CDH13: variants seen among roughly 807,000 people sequenced by gnomAD.
CDH13 encodes cadherin 13.
Under a neutral mutation model 63.8 loss-of-function variants are expected in CDH13, and 24 were observed. The ratio of observed to expected loss-of-function variants is 0.38; its 90% CI spans 0.27 to 0.53. The LOEUF (loss-of-function observed/expected upper bound fraction) is 0.53. Among genes scored for constraint, CDH13 ranks in the 20% least tolerant of loss-of-function variants. The pLI is 0.85. For missense variants in CDH13, 1,049 were observed against 903.1 expected, an observed-to-expected ratio of 1.16 and a Z score of -2.07; for synonymous variants, 503 against 355.3, an observed-to-expected ratio of 1.42 and a Z score of -4.67.
At chr16:83,605,073 AT>A (rs760394005) in intron 8 of CDH13, among the ~76,000 whole-genome samples, 35 of 152,362 alleles carry the variant, frequency 2.3e-4, no homozygotes, top group South Asian at 1.0e-3. Flanking sequence ...TAAAAAATAA[AT>A]TTTGAAAAAA....
intron 7 of CDH13, among the ~76,000 whole-genome samples, chr16:83,504,163 C>T (rs745608006): frequency 2.0e-5 from 3 of 152,178 alleles, no homozygotes; most frequent in Non-Finnish European, 4.4e-5. Flanking sequence ...TCTGAATGGA[C>T]ATAGCCCATG....
At chr16:83,197,423 G>T (rs542707233) in intron 4 of CDH13, among the ~76,000 whole-genome samples, 1 of 152,120 alleles carries the variant, frequency 6.6e-6, no homozygotes, top group African/African-American at 2.4e-5. Flanking sequence ...ATTTTTAAAT[G>T]TACAATTGAA....
intron 2 of CDH13, among the ~76,000 whole-genome samples, chr16:82,894,539 G>C (rs771125100): frequency 3.9e-5 from 6 of 152,188 alleles, no homozygotes; most frequent in Non-Finnish European, 8.8e-5. Context: ...CTACTTGGGA[G>C]GCTGAGGCAA....
chr16:83,774,217 A>G (rs776830422), intron 11 of CDH13, among the ~76,000 whole-genome samples: 3 of 152,146 alleles, frequency 2.0e-5, no homozygotes, highest in Non-Finnish European at 4.4e-5. Flanking sequence ...TTGTCCTACT[A>G]CAGGGACAAC....
chr16:82,801,039 A>T (rs191215116), intron 1 of CDH13, among the ~76,000 whole-genome samples: 1 of 152,196 alleles, frequency 6.6e-6, no homozygotes, highest in Non-Finnish European at 1.5e-5. Context: ...AGCAAAGATT[A>T]GGACCAGTGT....
At chr16:83,610,075 A>G (rs1567803197) in intron 8 of CDH13, among the ~76,000 whole-genome samples, 1 of 152,208 alleles carries the variant, frequency 6.6e-6, no homozygotes, top group African/African-American at 2.4e-5. Flanking sequence ...TGGCTGAATA[A>G]TACTCCATTC....
chr16:83,254,295 C>T (rs1234208709), intron 5 of CDH13, among the ~76,000 whole-genome samples: 1 of 152,160 alleles, frequency 6.6e-6, no homozygotes, highest in Non-Finnish European at 1.5e-5. Flanking sequence ...GCATCATGAT[C>T]GTTCCTTAAA....
intron 2 of CDH13, among the ~76,000 whole-genome samples, chr16:82,860,388 TG>T (rs368818163): frequency 0.047 from 2,943 of 63,108 alleles, 111 homozygotes; most frequent in Admixed American, 0.05. Flanking sequence ...TGTGTGTGTG[TG>T]GGGGGGGGGG....
chr16:83,439,878 C>T (rs1003593009), intron 6 of CDH13, among the ~76,000 whole-genome samples: 1 of 152,162 alleles, frequency 6.6e-6, no homozygotes, highest in Non-Finnish European at 1.5e-5. Context: ...TCCTTGGTGT[C>T]CTTTCTCTAA....
At chr16:82,927,679 C>T (rs1024333661) in intron 2 of CDH13, among the ~76,000 whole-genome samples, 72 of 152,308 alleles carry the variant, frequency 4.7e-4, no homozygotes, top group Non-Finnish European at 8.7e-4. Context: ...TCATATTCCT[C>T]ATCACACTGT....
chr16:82,933,509 C>G (rs1333994598), intron 2 of CDH13, among the ~76,000 whole-genome samples: 1 of 152,162 alleles, frequency 6.6e-6, no homozygotes, highest in Non-Finnish European at 1.5e-5. Flanking sequence ...CATTCTGCCA[C>G]TTGCCCCTCT....
At chr16:83,027,318 T>C (rs558392388) in intron 2 of CDH13, among the ~76,000 whole-genome samples, 5 of 152,110 alleles carry the variant, frequency 3.3e-5, no homozygotes, top group South Asian at 2.1e-4. Flanking sequence ...TATGGACAGA[T>C]TGATATAATA....
intron 5 of CDH13, among the ~76,000 whole-genome samples, chr16:83,224,489 C>A (rs2039788005): frequency 6.6e-6 from 1 of 152,206 alleles, no homozygotes; most frequent in Non-Finnish European, 1.5e-5. Context: ...AACCTGTGAT[C>A]TTCACTTCTG....
chr16:83,059,576 G>T (rs962974092), intron 3 of CDH13, among the ~76,000 whole-genome samples: 16 of 152,100 alleles, frequency 1.1e-4, no homozygotes, highest in Admixed American at 5.9e-4. Context: ...ATCATTCAGA[G>T]CAGGCACAAG....
At chr16:83,743,693 C>G (rs894231929) in intron 10 of CDH13, among the ~76,000 whole-genome samples, 7 of 148,528 alleles carry the variant, frequency 4.7e-5, no homozygotes, top group African/African-American at 1.7e-4. Context: ...CACTACCAAT[C>G]ACTCCTGGAT....
At chr16:82,945,207 C>CAT (rs1205282445) in intron 2 of CDH13, among the ~76,000 whole-genome samples, 1 of 152,166 alleles carries the variant, frequency 6.6e-6, no homozygotes, top group East Asian at 1.9e-4. Context: ...CTTTGTGGGC[C>CAT]ATGAAGTTTC....
intron 2 of CDH13, among the ~76,000 whole-genome samples, chr16:82,931,455 G>C (rs1158124784): frequency 6.6e-6 from 1 of 151,364 alleles, no homozygotes; most frequent in Non-Finnish European, 1.5e-5. Context: ...GGGCATAAAT[G>C]AAGTTTAGAA....
intron 4 of CDH13, among the ~76,000 whole-genome samples, chr16:83,131,202 G>GTA (rs2036036512): frequency 2.3e-5 from 2 of 88,736 alleles, no homozygotes; most frequent in Admixed American, 1.2e-4. Context: ...CCCCCCCCCC[G>GTA]CCCACAGACA....
Position 83,798,167 on chromosome 16 carries a change from A to G in CDH13, c.*3137A>G, listed in dbSNP as rs956613104. The G allele has an allele frequency of 2.0e-5, 3 of 152,240 alleles. No individual in the cohort carries two copies. The highest frequency in any genetic ancestry group is 2.9e-5 in the Non-Finnish European group (2 of 68,050). 9.4% of individuals were successfully genotyped at this position (152,240 alleles called of 1,614,324 possible). ...AAACAGTCTGATAAATGGAACAACC[A>G]TCTACCATCACACTCATAGAGTAGC... On this transcript the variant is annotated 3_prime_UTR_variant, in exon 14 of 14. Coordinates refer to ENST00000567109, the MANE Select transcript of CDH13 (RefSeq NM_001257.5).
Sources: gnomAD v4.1 joint callset for allele counts (sites outside exome capture counted in the v4.1 genomes callset) on GRCh38, gnomAD v4.1.1 for gene constraint, MANE v1.5 for transcripts, NCBI Gene and HGNC (gene_info 2026-07-23, HGNC 2026-07-21) for gene names.